SYT1: variants seen among roughly 807,000 people sequenced by gnomAD.
The protein encoded by SYT1 is synaptotagmin-1.
SYT1 carries 8 observed loss-of-function variants against 44.8 expected under a neutral mutation model. The ratio of observed to expected loss-of-function variants is 0.18; its 90% CI spans 0.10 to 0.32. The LOEUF is 0.32. SYT1 is among the 10% of genes least tolerant of loss of function. SYT1 has a pLI of 1.00. For missense variants in SYT1, 286 were observed against 509.3 expected (o/e 0.56, Z 4.22); for synonymous variants, 154 against 188.8 (o/e 0.82, Z 1.51).
At chr12:79,130,783 C>G (rs972817134) in intron 3 of SYT1, among the ~76,000 whole-genome samples, 2 of 152,106 alleles carry the variant, frequency 1.3e-5, no homozygotes, top group Non-Finnish European at 2.9e-5. Context: ...TGTCTTTGAA[C>G]CAGGAGTCTC....
At chr12:78,891,606 T>G (rs939437046) in intron 1 of SYT1, among the ~76,000 whole-genome samples, 1 of 151,930 alleles carries the variant, frequency 6.6e-6, no homozygotes, top group African/African-American at 2.4e-5. Context: ...TAACTAACAT[T>G]TATTTACATA....
At chr12:79,390,182 C>A (rs906935879) in intron 9 of SYT1, among the ~76,000 whole-genome samples, 1 of 152,072 alleles carries the variant, frequency 6.6e-6, no homozygotes, top group African/African-American at 2.4e-5. Flanking sequence ...ATCCGCCCGC[C>A]CCAGCCTCCC....
intron 2 of SYT1, among the ~76,000 whole-genome samples, chr12:78,994,744 C>G (rs1426333814): frequency 6.6e-6 from 1 of 151,880 alleles, no homozygotes; most frequent in Admixed American, 6.6e-5. Flanking sequence ...ACCTTCTTGG[C>G]CAGGCTGGTC....
chr12:78,877,800 TG>T (rs1874254965), intron 1 of SYT1, among the ~76,000 whole-genome samples: 1 of 151,724 alleles, frequency 6.6e-6, no homozygotes, highest in African/African-American at 2.4e-5. Flanking sequence ...GGCTAATTTT[TG>T]TATTTTTTGT....
At chr12:79,340,053 A>C (rs1451211197) in intron 8 of SYT1, among the ~76,000 whole-genome samples, 2 of 152,208 alleles carry the variant, frequency 1.3e-5, no homozygotes, top group Non-Finnish European at 2.9e-5. Context: ...TACCAGTACC[A>C]TGCTGTTTTG....
Position 78,997,886 on chromosome 12 carries a change from C to T in SYT1, c.-84+19955C>T, listed in dbSNP as rs143749326. ...TTCTGGAGAAGTGAGACTGACTCCA[C>T]AGTCACCCCATCTTTCTCTTAGTGA... On this transcript the variant is annotated intron_variant, in intron 2 of 10. Coordinates refer to ENST00000261205, the MANE Select transcript of SYT1 (RefSeq NM_005639.3). 9.1e-4 allele frequency among the ~76,000 whole-genome samples: 139 copies of T among 152,294 alleles called. 1 individual carries two copies. The highest frequency in any genetic ancestry group is 3.2e-3 in the African/African-American group (132 of 41,570).
At chr12:79,292,274 A>G (rs1478998134) in intron 6 of SYT1, 144 bp downstream of exon 6, 2 of 1,010,820 alleles carry the variant, frequency 2.0e-6, no homozygotes, top group Non-Finnish European at 2.8e-6. Context: ...ATAATTTCTA[A>G]GAACAGGCAG....
rs146284279 is a variant in SYT1, at chr12:78,892,349, A to C, written c.-217+27240A>C. Among the ~76,000 whole-genome samples the C allele has an allele frequency of 1.7e-3, 252 of 151,888 alleles. 2 individuals are homozygous for C. Among genetic ancestry groups the C allele is most frequent in the African/African-American group, 5.9e-3 (243 of 41,502 alleles). The stretch of plus-strand genomic sequence containing the variant: ...TAGTACATTTTAGGTTCTGCACATA[A>C]TACTACTCAGAAATTAGCTTAGTCA... On this transcript the variant is annotated intron_variant, in intron 1 of 10. Coordinates refer to ENST00000261205, the MANE Select transcript of SYT1 (RefSeq NM_005639.3).
rs1032432376 is a variant in SYT1 at position 79,271,001 on chromosome 12, C to A, written c.167-14786C>A. Among the ~76,000 whole-genome samples, 3 of 152,200 alleles carry A rather than the reference C, an allele frequency of 2.0e-5. No homozygotes were observed. The East Asian group carries it at 5.8e-4, about 29-fold the overall frequency. On this transcript the variant is annotated intron_variant, in intron 4 of 10. Transcript: ENST00000261205. The stretch of plus-strand genomic sequence containing the variant: ...CACATTGTATAAATTAGAAAAGGGG[C>A]TCCTCCCCAATTGTTCATTCAGTAG...
At chr12:78,954,955 C>T (rs1264931046) in intron 1 of SYT1, among the ~76,000 whole-genome samples, 2 of 152,092 alleles carry the variant, frequency 1.3e-5, no homozygotes, top group Admixed American at 6.6e-5. Flanking sequence ...ATGATAACAA[C>T]AGTTTTCAAG....
At chr12:79,048,268 A>G (rs1053444253) in intron 3 of SYT1, among the ~76,000 whole-genome samples, 2 of 151,856 alleles carry the variant, frequency 1.3e-5, no homozygotes, top group African/African-American at 4.8e-5. Context: ...AAAAAAATGT[A>G]AGTTTGATAT....
At chr12:79,099,063 A>G (rs1482691439) in intron 3 of SYT1, among the ~76,000 whole-genome samples, 2 of 152,196 alleles carry the variant, frequency 1.3e-5, no homozygotes, top group Non-Finnish European at 1.5e-5. Context: ...AAAGATAAAT[A>G]GGTTACCTTA....
chr12:78,955,861 G>A (rs937552480), intron 1 of SYT1, among the ~76,000 whole-genome samples: 1 of 151,144 alleles, frequency 6.6e-6, no homozygotes, highest in Non-Finnish European at 1.5e-5. Flanking sequence ...GAGAGAGAGA[G>A]AAGCACTCAA....
chr12:78,906,974 T>A (rs1242631868), intron 1 of SYT1, among the ~76,000 whole-genome samples: 3 of 152,146 alleles, frequency 2.0e-5, no homozygotes, highest in Non-Finnish European at 4.4e-5. Context: ...CTGCTATAAC[T>A]TTTGATGTAA....
At chr12:79,014,806 C>T (rs570703180) in intron 2 of SYT1, among the ~76,000 whole-genome samples, 2 of 151,966 alleles carry the variant, frequency 1.3e-5, no homozygotes, top group African/African-American at 4.8e-5. Context: ...GACTTGGAAC[C>T]AACCCAAATA....
chr12:79,384,648 ACT>A (rs1219848507), intron 9 of SYT1, among the ~76,000 whole-genome samples: 1 of 152,140 alleles, frequency 6.6e-6, no homozygotes, highest in Admixed American at 6.5e-5. Flanking sequence ...ATTTTTTGAC[ACT>A]CTCACCTGGG....
At chr12:79,375,578 C>T (rs1456350033) in intron 9 of SYT1, among the ~76,000 whole-genome samples, 1 of 152,202 alleles carries the variant, frequency 6.6e-6, no homozygotes, top group Non-Finnish European at 1.5e-5. Context: ...TGCCACTCAC[C>T]AAGCATCTGA....
At chr12:79,416,312 T>G (rs1409045606) in intron 9 of SYT1, among the ~76,000 whole-genome samples, 1 of 152,112 alleles carries the variant, frequency 6.6e-6, no homozygotes, top group Non-Finnish European at 1.5e-5. Context: ...TGCCTGGAAG[T>G]CCCTTAGGAA....
intron 8 of SYT1, among the ~76,000 whole-genome samples, chr12:79,349,015 GAAAGAAAGAA>G (rs1231275811): frequency 8.8e-6 from 1 of 113,994 alleles, no homozygotes; most frequent in African/African-American, 3.5e-5. Context: ...AAGAAAGAAA[GAAAGAAAGAA>G]AGAAAGAAAA....
Sources: gnomAD v4.1 joint callset for allele counts (sites outside exome capture counted in the v4.1 genomes callset) on GRCh38, gnomAD v4.1.1 for gene constraint, MANE v1.5 for transcripts, NCBI Gene and HGNC (gene_info 2026-07-23, HGNC 2026-07-21) for gene names.